The following ABHD2 variants were observed in gnomAD, a reference collection of about 807,000 sequenced individuals.
ABHD2 encodes abhydrolase domain containing 2, acylglycerol lipase.
In ABHD2, 20 loss-of-function variants were observed where a neutral mutation model predicts 48.1. The observed-to-expected ratio is 0.42, with a 90% CI of 0.29 to 0.60. The LOEUF (loss-of-function observed/expected upper bound fraction) is 0.60. Ranked by LOEUF, ABHD2 falls within the 20% of genes least tolerant of loss-of-function variation. The probability of loss-of-function intolerance (pLI) is 0.24; values close to 1 mark genes in which losing one functional copy is unlikely to be tolerated. For missense variants in ABHD2, 405 were observed against 550.9 expected, an observed-to-expected ratio of 0.74 and a Z score of 2.65; for synonymous variants, 209 against 214.2, an observed-to-expected ratio of 0.98 and a Z score of 0.21.
Position 89,149,489 on chromosome 15 carries a change from GA to G in ABHD2, c.195-2187del, listed in dbSNP as rs555363557. On this transcript the variant is annotated intron_variant, in intron 3 of 10. Coordinates refer to ENST00000352732, the MANE Select transcript of ABHD2 (RefSeq NM_152924.5). Reference sequence around the variant, plus strand: ...TGTAATGTATGTCCAGTGCTCTGGGGATAGAGCTAGAGGTGAATGAGCAGCA... The same window carrying G: ...TGTAATGTATGTCCAGTGCTCTGGGGTAGAGCTAGAGGTGAATGAGCAGCA... Among the ~76,000 whole-genome samples, 31 of 152,276 alleles carry G rather than the reference GA, an allele frequency of 2.0e-4. No homozygotes were observed. The South Asian group carries it at 6.4e-3, about 32-fold the overall frequency.
intron 10 of ABHD2, 56 bp downstream of exon 10, chr15:89,193,375 T>A (rs1050669040): frequency 3.9e-5 from 54 of 1,388,158 alleles, no homozygotes; most frequent in Non-Finnish European, 5.3e-5. Context: ...CACAGTAAAT[T>A]CTGTCACCTT....
rs1351083264 is a variant in ABHD2, at chr15:89,176,192, ATATGCAG to A, written c.722+198_722+204del. On this transcript the variant is annotated intron_variant, in intron 6 of 10. Transcript: ENST00000352732. The surrounding 1 kb of genome is among the most constrained non-coding windows in gnomAD (Gnocchi z 4.5). ...CCCCATCAGACCCCTTAAGCCTGGG[ATATGCAG>A]CTGCGTTTTGGGGTCAGATCTGTAA... Among the ~76,000 whole-genome samples, 3 of 152,058 alleles carry A rather than the reference ATATGCAG, an allele frequency of 2.0e-5. No homozygotes were observed. The highest frequency in any genetic ancestry group is 2.9e-5 in the Non-Finnish European group (2 of 68,004).
At chr15:89,068,450 G>C in the ABHD2 span, among the ~76,000 whole-genome samples, 1 of 152,176 alleles carries the variant, frequency 6.6e-6, no homozygotes, top group Non-Finnish European at 1.5e-5. Context: ...GGGGGCTAGA[G>C]TCATCCGGAG....
At chr15:89,157,501 AT>A (rs2050693192) in intron 5 of ABHD2, among the ~76,000 whole-genome samples, 1 of 152,116 alleles carries the variant, frequency 6.6e-6, no homozygotes, top group South Asian at 2.1e-4. Flanking sequence ...GAAGATACCC[AT>A]TTTACAGACT....
intron 3 of ABHD2, among the ~76,000 whole-genome samples, chr15:89,132,460 A>G (rs2050235417): frequency 6.6e-6 from 1 of 152,226 alleles, no homozygotes; most frequent in African/African-American, 2.4e-5. Flanking sequence ...GCAGAAGACA[A>G]TTATATATCT....
the ABHD2 span, among the ~76,000 whole-genome samples, chr15:89,059,967 G>T: frequency 2.0e-5 from 3 of 152,052 alleles, no homozygotes; most frequent in Middle Eastern, 3.4e-3. Flanking sequence ...TGGTTCCCAG[G>T]TCTTCCAGGC....
the ABHD2 span, among the ~76,000 whole-genome samples, chr15:89,058,428 G>T: frequency 0.019 from 2,947 of 152,256 alleles, 97 homozygotes; most frequent in African/African-American, 0.067. Context: ...AAGATGCCCC[G>T]CAGGCACAGA....
the ABHD2 span, among the ~76,000 whole-genome samples, chr15:89,066,092 A>G: frequency 1.3e-5 from 2 of 152,240 alleles, no homozygotes; most frequent in African/African-American, 4.8e-5. Context: ...ATTCCTCTAT[A>G]TCCTCTCTTT....
At chr15:89,047,252 G>A in the ABHD2 span, among the ~76,000 whole-genome samples, 1 of 151,652 alleles carries the variant, frequency 6.6e-6, no homozygotes, top group Non-Finnish European at 1.5e-5. Context: ...TTGCACTGTG[G>A]TCTGAGAGAT....
rs2051431075 is a variant in ABHD2, at chr15:89,197,904, G to A, written c.*2481G>A. 1 of 152,212 alleles carries A rather than the reference G, an allele frequency of 6.6e-6. No homozygotes were observed. The highest frequency in any genetic ancestry group is 1.5e-5 in the Non-Finnish European group (1 of 68,042). 9.4% of individuals were successfully genotyped at this position (152,212 alleles called of 1,614,324 possible). ...CACATGAAACTAACTGAAGCCCTTT[G>A]TTCAAGCTTCAGGCTCTTAGGCATG... On this transcript the variant is annotated 3_prime_UTR_variant, in exon 11 of 11. Coordinates refer to ENST00000352732, the MANE Select transcript of ABHD2 (RefSeq NM_152924.5). The surrounding 1 kb of genome is among the most constrained non-coding windows in gnomAD (Gnocchi z 4.4).
the ABHD2 span, among the ~76,000 whole-genome samples, chr15:89,071,747 G>A: frequency 6.6e-5 from 10 of 152,150 alleles, no homozygotes; most frequent in South Asian, 2.1e-4. Flanking sequence ...ACTCAGGTGC[G>A]TCTGCCATAC....
chr15:89,150,110 ATAT>A (rs1204334001), intron 3 of ABHD2, among the ~76,000 whole-genome samples: 1 of 152,254 alleles, frequency 6.6e-6, no homozygotes, highest in Non-Finnish European at 1.5e-5. Context: ...TTCTGAGATT[ATAT>A]TGTATTCTAA....
At chr15:89,193,583 T>G in intron 10 of ABHD2, 1 of 482,056 alleles carries the variant, frequency 2.1e-6, no homozygotes, top group Non-Finnish European at 3.7e-6. Context: ...GGGAGTCACT[T>G]GAGGTTCTAT....
chr15:89,090,867 C>T (rs753213457), intron 1 of ABHD2, among the ~76,000 whole-genome samples: 5 of 152,140 alleles, frequency 3.3e-5, no homozygotes, highest in Non-Finnish European at 7.3e-5. Context: ...AAGTGCTTTT[C>T]GGAAGTTCAG....
rs140381988 is a variant in ABHD2 at position 89,098,104 on chromosome 15, T to A, written c.-107+9541T>A. On this transcript the variant is annotated intron_variant, in intron 1 of 10. Transcript: ENST00000352732. ...CATGTTGCCCAGGCTGGTCTCAAAT[T>A]CCTGAGCTCAAGTGATCCACCCACC... 2.0e-5 allele frequency among the ~76,000 whole-genome samples: 3 copies of A among 152,248 alleles called. No individual in the cohort carries two copies. In the East Asian group the frequency reaches 5.8e-4, roughly 29 times the overall value.
chr15:89,071,656 G>T, the ABHD2 span, among the ~76,000 whole-genome samples: 3 of 152,154 alleles, frequency 2.0e-5, no homozygotes, highest in Admixed American at 1.3e-4. Context: ...GGAAGGGAGT[G>T]GGGTGGAGCT....
intron 3 of ABHD2, among the ~76,000 whole-genome samples, chr15:89,122,990 C>T (rs1181246809): frequency 2.6e-5 from 4 of 152,212 alleles, no homozygotes; most frequent in Non-Finnish European, 5.9e-5. Context: ...ACCACAGCCA[C>T]ATGTATGTGG....
chr15:89,153,503 C>G (rs565825124), intron 4 of ABHD2, among the ~76,000 whole-genome samples: 1 of 152,218 alleles, frequency 6.6e-6, no homozygotes, highest in South Asian at 2.1e-4. Context: ...TGACCATCTG[C>G]TCTTCCTACC....
intron 5 of ABHD2, among the ~76,000 whole-genome samples, chr15:89,158,287 G>C (rs112567979): frequency 6.6e-6 from 1 of 152,218 alleles, no homozygotes; most frequent in Non-Finnish European, 1.5e-5. Context: ...AAGTAGAAGA[G>C]CTAAGAGAGG....
Sources: gnomAD v4.1 joint callset for allele counts (sites outside exome capture counted in the v4.1 genomes callset) on GRCh38, gnomAD v4.1.1 for gene constraint, Gnocchi (gnomAD v3.1) non-coding constraint, MANE v1.5 for transcripts, NCBI Gene and HGNC (gene_info 2026-07-23, HGNC 2026-07-21) for gene names.